The following IL18RAP variants were observed in gnomAD, a reference collection of about 807,000 sequenced individuals.
IL18RAP encodes the protein interleukin 18 receptor accessory protein.
IL18RAP carries 37 observed loss-of-function variants against 58.1 expected under a neutral mutation model. The observed-to-expected ratio is 0.64, with a 90% CI of 0.49 to 0.84. The LOEUF is 0.84. Ranked by LOEUF, IL18RAP falls within the 40% of genes least tolerant of loss-of-function variation. The pLI, the probability that IL18RAP is intolerant of heterozygous loss-of-function variation, is 0.00. For synonymous variants in IL18RAP, 268 were observed against 257.5 expected (o/e 1.04, Z -0.39); for missense variants, 667 against 704.8 (o/e 0.95, Z 0.61).
chr2:102,441,098 T>C (rs916348158), intron 4 of IL18RAP, among the ~76,000 whole-genome samples: 9 of 152,178 alleles, frequency 5.9e-5, no homozygotes, highest in Non-Finnish European at 8.8e-5. Flanking sequence ...TAACAACTAA[T>C]GTTTTACCAG....
chr2:102,446,795 CAA>C (rs749884501), intron 7 of IL18RAP, among the ~76,000 whole-genome samples: 22 of 119,684 alleles, frequency 1.8e-4, no homozygotes, highest in Non-Finnish European at 1.4e-4. Flanking sequence ...ACTCCGTCTC[CAA>C]AAAAAAAAAA....
In IL18RAP at chr2:102,433,069, T is replaced by C. The variant is rs10177895; in HGVS notation, c.580-4143T>C. 5.4e-3 allele frequency among the ~76,000 whole-genome samples: 824 copies of C among 152,254 alleles called. 16 individuals carry two copies. The highest frequency in any genetic ancestry group is 0.019 in the African/African-American group (791 of 41,546). On this transcript the variant is annotated intron_variant, in intron 3 of 9. Coordinates refer to ENST00000687160, the MANE Select transcript of IL18RAP (RefSeq NM_001393487.1). Reference sequence around the variant, plus strand: ...GCCTAGGGCACCGAGATATGAGTTTTGACGACATTGCTGTGACCTCCTGTT... The same window carrying C: ...GCCTAGGGCACCGAGATATGAGTTTCGACGACATTGCTGTGACCTCCTGTT...
intron 3 of IL18RAP, 93 bp from the exon 4 acceptor site, chr2:102,437,119 C>T (rs942984715): frequency 1.4e-5 from 17 of 1,181,580 alleles, no homozygotes; most frequent in Non-Finnish European, 2.0e-5. Flanking sequence ...CCTTCTTCCT[C>T]CCTGTTCAAA....
At chr2:102,440,650 G>A (rs1168961850) in intron 4 of IL18RAP, among the ~76,000 whole-genome samples, 1 of 151,830 alleles carries the variant, frequency 6.6e-6, no homozygotes, top group Non-Finnish European at 1.5e-5. Context: ...GGGAGAGAGA[G>A]ACAAGTTAAA....
At chr2:102,428,954 T>C (rs556269581) in intron 3 of IL18RAP, among the ~76,000 whole-genome samples, 12 of 152,108 alleles carry the variant, frequency 7.9e-5, no homozygotes, top group Non-Finnish European at 1.2e-4. Flanking sequence ...TCGATTGAGA[T>C]CATCATACAG....
chr2:102,445,113 T>C (rs1558645873), intron 6 of IL18RAP, 76 bp from the exon 7 acceptor site: 2 of 1,364,220 alleles, frequency 1.5e-6, no homozygotes, highest in Non-Finnish European at 2.1e-6. Flanking sequence ...GTTGGCTGCT[T>C]ATACGTGTTC....
intron 8 of IL18RAP, among the ~76,000 whole-genome samples, chr2:102,450,044 T>C (rs1683667247): frequency 6.6e-6 from 1 of 152,122 alleles, no homozygotes; most frequent in Non-Finnish European, 1.5e-5. Flanking sequence ...AGGGCTACTG[T>C]TTACCGTTTT....
chr2:102,445,395 G>T, intron 7 of IL18RAP, 55 bp downstream of exon 7: 3 of 1,542,366 alleles, frequency 1.9e-6, no homozygotes, highest in Non-Finnish European at 2.7e-6. Context: ...TGAGAGGGGA[G>T]GAGTTTTCCT....
intron 3 of IL18RAP, among the ~76,000 whole-genome samples, chr2:102,426,527 GT>G (rs1178432590): frequency 6.6e-6 from 1 of 151,562 alleles, no homozygotes; most frequent in East Asian, 1.9e-4. Context: ...ACATTTAATG[GT>G]CAATAGATTT....
In IL18RAP at chr2:102,423,951, C is replaced by G. The variant is rs1261716545; in HGVS notation, c.211C>G (p.Leu71Val). The G allele has an allele frequency of 1.9e-6, 3 of 1,614,078 alleles. No homozygotes were observed. In the South Asian group the frequency reaches 3.3e-5, roughly 18 times the overall value. ...CTCACCAAAACAAGTCCCTGAGCAC[C>G]TGCCCTTCATGGGTAGTAACGACCT... ...RLSPKQVPEH[L>V]PFMGSNDLSD... The change falls in exon 2 of 10, where the codon CTG becomes GTG. Residue 71 changes from leucine (L) to valine (V), a missense_variant. Coordinates refer to ENST00000687160, the MANE Select transcript of IL18RAP (RefSeq NM_001393487.1).
rs754191352 is a variant in IL18RAP at position 102,451,920 on chromosome 2, G to T, written c.1539G>T (p.Lys513Asn). 1.4e-5 allele frequency: 22 copies of T among 1,614,128 alleles called. No individual in the cohort carries two copies. The highest frequency in any genetic ancestry group is 1.8e-5 in the Non-Finnish European group (21 of 1,180,018). ...DDQTLKLILI[K>N]FCYFQEPESL... ...AAACACTGAAACTCATTTTAATTAA[G>T]TTCTGTTACTTCCAAGAGCCAGAGT... Residue 513 changes from lysine to asparagine, a missense_variant, in exon 10 of 10, where the codon AAG becomes AAT. Lys to Asn is a moderately conservative substitution (Grantham distance 94). Coordinates refer to ENST00000687160, the MANE Select transcript of IL18RAP (RefSeq NM_001393487.1).
chr2:102,451,707 C>T (rs113158782), intron 9 of IL18RAP, 59 bp from the exon 10 acceptor site: 1 of 1,393,304 alleles, frequency 7.2e-7, no homozygotes. Flanking sequence ...ATTGCAAGGA[C>T]CTCTCTGACT....
At chr2:102,448,820 G>A (rs746272128) in intron 8 of IL18RAP, among the ~76,000 whole-genome samples, 12 of 152,038 alleles carry the variant, frequency 7.9e-5, no homozygotes, top group Non-Finnish European at 1.6e-4. Context: ...TGTTAGCTGG[G>A]CGTGGTGGTA....
intron 5 of IL18RAP, among the ~76,000 whole-genome samples, chr2:102,441,771 C>G (rs1683118051): frequency 6.6e-6 from 1 of 151,868 alleles, no homozygotes; most frequent in Non-Finnish European, 1.5e-5. Flanking sequence ...GCCTGTAATC[C>G]CAGCTACTCA....
chr2:102,427,315 C>T (rs550526787), intron 3 of IL18RAP, among the ~76,000 whole-genome samples: 1 of 152,056 alleles, frequency 6.6e-6, no homozygotes, highest in Non-Finnish European at 1.5e-5. Flanking sequence ...TTTAGTTTTT[C>T]TGATGAGACT....
chr2:102,421,756 G>A (rs1681590951), upstream of IL18RAP, among the ~76,000 whole-genome samples: 1 of 152,158 alleles, frequency 6.6e-6, no homozygotes, highest in Admixed American at 6.5e-5. Context: ...GCAGCCAGGT[G>A]GTAGCATCCT....
At chr2:102,436,946 T>C (rs1373887780) in intron 3 of IL18RAP, among the ~76,000 whole-genome samples, 1 of 152,068 alleles carries the variant, frequency 6.6e-6, no homozygotes, top group Non-Finnish European at 1.5e-5. Context: ...GGAAGTCCTT[T>C]GTTAAATAGC....
Position 102,424,375 on chromosome 2 carries a change from C to T in IL18RAP, c.540C>T (p.Cys180=). ...CTATTTCTTGCCCCAGTCTCAGCTG[C>T]CAAAGTGATGCACAAAGTCCAGCGG... ...TGSISCPSLS[C]QSDAQSPAVT... Residue 180 remains cysteine (C), a synonymous_variant, in exon 3 of 10, where the codon TGC becomes TGT. Coordinates refer to ENST00000687160, the MANE Select transcript of IL18RAP (RefSeq NM_001393487.1). 1.2e-6 allele frequency: 2 copies of T among 1,613,974 alleles called. No individual in the cohort carries two copies. Among genetic ancestry groups the T allele is most frequent in the Non-Finnish European group, 1.7e-6 (2 of 1,179,934 alleles).
In IL18RAP at chr2:102,443,276, C is replaced by G; in HGVS notation, c.873C>G (p.Ile291Met). ...TTAACCCTGTCATAAAATGGTACATCAAAGATTCTGACCTAGAGTGGGAAG... is the reference window on the plus strand; with the variant it reads ...TTAACCCTGTCATAAAATGGTACATGAAAGATTCTGACCTAGAGTGGGAAG... ...RVFNPVIKWY[I>M]KDSDLEWEVS... is the part of the protein sequence containing the mutation. The change falls in exon 6 of 10, where the codon ATC becomes ATG. Residue 291 changes from isoleucine (I) to methionine (M), a missense_variant. Transcript: ENST00000687160. 1.2e-6 allele frequency: 2 copies of G among 1,613,794 alleles called. No individual in the cohort carries two copies. Among genetic ancestry groups the G allele is most frequent in the Non-Finnish European group, 1.7e-6 (2 of 1,179,886 alleles).
Sources: gnomAD v4.1 joint callset for allele counts (sites outside exome capture counted in the v4.1 genomes callset) on GRCh38, gnomAD v4.1.1 for gene constraint, MANE v1.5 for transcripts, NCBI Gene and HGNC (gene_info 2026-07-23, HGNC 2026-07-21) for gene names.